CNTNAP5: variants seen among roughly 807,000 people sequenced by gnomAD.
The protein encoded by CNTNAP5 is contactin associated protein family member 5.
Under a neutral mutation model 150.2 loss-of-function variants are expected in CNTNAP5, and 72 were observed. The ratio of observed to expected loss-of-function variants is 0.48; its 90% CI spans 0.40 to 0.58. CNTNAP5 has a LOEUF of 0.58. Among genes scored for constraint, CNTNAP5 ranks in the 20% least tolerant of loss-of-function variants. CNTNAP5 has a pLI of 0.00. For synonymous variants in CNTNAP5, 672 were observed against 619.8 expected, an observed-to-expected ratio of 1.08 and a Z score of -1.25; for missense variants, 1,636 against 1,626.2, an observed-to-expected ratio of 1.01 and a Z score of -0.10.
chr2:124,889,743 G>A (rs1380357517), intron 21 of CNTNAP5, among the ~76,000 whole-genome samples: 1 of 152,088 alleles, frequency 6.6e-6, no homozygotes, highest in African/African-American at 2.4e-5. Flanking sequence ...ATAGTAGCAA[G>A]TGCTTTTGGG....
intron 1 of CNTNAP5, among the ~76,000 whole-genome samples, chr2:124,170,891 T>C (rs958063398): frequency 9.9e-5 from 15 of 152,166 alleles, no homozygotes; most frequent in African/African-American, 3.4e-4. Flanking sequence ...TCTAGCTGTG[T>C]GACCTTGCAC....
At chr2:124,121,586 G>A (rs1187742682) in intron 1 of CNTNAP5, among the ~76,000 whole-genome samples, 1 of 152,152 alleles carries the variant, frequency 6.6e-6, no homozygotes. Context: ...AGATTCACAA[G>A]TAATAGCAAA....
At chr2:124,272,253 C>A (rs556814132) in intron 3 of CNTNAP5, among the ~76,000 whole-genome samples, 87 of 152,238 alleles carry the variant, frequency 5.7e-4, no homozygotes, top group African/African-American at 1.9e-3. Flanking sequence ...CTGATCTGGA[C>A]TTCCAGTTTT....
chr2:124,271,429 G>C (rs1372688735), intron 3 of CNTNAP5, among the ~76,000 whole-genome samples: 1 of 152,122 alleles, frequency 6.6e-6, no homozygotes, highest in African/African-American at 2.4e-5. Context: ...ATGGGGGTTG[G>C]CTAGAAGGCA....
At chr2:124,528,612 G>C (rs1327054244) in intron 10 of CNTNAP5, among the ~76,000 whole-genome samples, 2 of 152,172 alleles carry the variant, frequency 1.3e-5, no homozygotes, top group East Asian at 3.9e-4. Context: ...TGGTGTCTTA[G>C]ATTCAATAAT....
At chr2:124,192,417 A>C (rs2141541) in intron 1 of CNTNAP5, among the ~76,000 whole-genome samples, 149,179 of 152,214 alleles carry the variant, frequency 0.98, 73,185 homozygotes, top group East Asian at 1. Flanking sequence ...GTCTAGGGTG[A>C]TTCACTGTCC....
chr2:124,658,137 A>G (rs1017866481), intron 13 of CNTNAP5, among the ~76,000 whole-genome samples: 6 of 152,206 alleles, frequency 3.9e-5, no homozygotes, highest in Non-Finnish European at 5.9e-5. Flanking sequence ...ACCAGTAGTC[A>G]TATGATGTCA....
chr2:124,075,653 A>G (rs1350351533), intron 1 of CNTNAP5, among the ~76,000 whole-genome samples: 1 of 152,078 alleles, frequency 6.6e-6, no homozygotes, highest in African/African-American at 2.4e-5. Context: ...CAATTTTTGT[A>G]AATGTCACAT....
At chr2:124,520,991 G>A (rs1160354022) in intron 8 of CNTNAP5, among the ~76,000 whole-genome samples, 1 of 152,188 alleles carries the variant, frequency 6.6e-6, no homozygotes, top group African/African-American at 2.4e-5. Flanking sequence ...CGAGGACCAG[G>A]TGAAAGTGGA....
At chr2:124,195,290 C>T (rs1329715933) in intron 1 of CNTNAP5, among the ~76,000 whole-genome samples, 1 of 152,130 alleles carries the variant, frequency 6.6e-6, no homozygotes, top group African/African-American at 2.4e-5. Context: ...GAGAAATTCT[C>T]ACACAGGATC....
At chr2:124,501,316 G>T (rs1284116605) in intron 7 of CNTNAP5, among the ~76,000 whole-genome samples, 1 of 152,200 alleles carries the variant, frequency 6.6e-6, no homozygotes. Flanking sequence ...TATAATGCTT[G>T]AAAAATCTTG....
At chr2:124,737,397 A>G (rs1004072747) in intron 13 of CNTNAP5, among the ~76,000 whole-genome samples, 7 of 152,140 alleles carry the variant, frequency 4.6e-5, no homozygotes, top group Admixed American at 4.6e-4. Context: ...GAAAGACATC[A>G]GCCTCTATGA....
In CNTNAP5 at chr2:124,865,291, T is replaced by C. The variant is rs1402381358; in HGVS notation, c.3218-15T>C. On this transcript the variant is annotated splice_polypyrimidine_tract_variant and intron_variant, in intron 19 of 23. Coordinates refer to ENST00000682447, the MANE Select transcript of CNTNAP5 (RefSeq NM_001367498.1). The stretch of plus-strand genomic sequence containing the variant: ...TGCTGCTTTATATTCTAATTTCTAA[T>C]ATTTTTCTTTCAAGGAAGCTTACAG... 1 of 1,548,184 alleles carries C rather than the reference T, an allele frequency of 6.5e-7. No homozygotes were observed. The highest frequency in any genetic ancestry group is 8.7e-7 in the Non-Finnish European group (1 of 1,143,874).
intron 1 of CNTNAP5, among the ~76,000 whole-genome samples, chr2:124,148,549 T>C (rs1362562962): frequency 6.8e-6 from 1 of 146,782 alleles, no homozygotes; most frequent in Non-Finnish European, 1.5e-5. Context: ...ACATATTATA[T>C]ATAATATGTA....
At chr2:124,523,036 C>A (rs1213212797) in intron 8 of CNTNAP5, among the ~76,000 whole-genome samples, 1 of 152,170 alleles carries the variant, frequency 6.6e-6, no homozygotes, top group Non-Finnish European at 1.5e-5. Flanking sequence ...TTTTAATCCT[C>A]CTTGCATATG....
chr2:124,224,700 G>A (rs1457247563), intron 2 of CNTNAP5, among the ~76,000 whole-genome samples: 1 of 151,968 alleles, frequency 6.6e-6, no homozygotes, highest in Non-Finnish European at 1.5e-5. Flanking sequence ...ATATACATAT[G>A]TGGTATACAG....
chr2:124,756,768 G>A (rs1399668839), intron 14 of CNTNAP5, among the ~76,000 whole-genome samples: 3 of 152,090 alleles, frequency 2.0e-5, no homozygotes, highest in Non-Finnish European at 2.9e-5. Context: ...GCCTGTAGGA[G>A]GGTTGGGAGT....
chr2:124,389,067 A>G (rs1383380649), intron 3 of CNTNAP5, among the ~76,000 whole-genome samples: 2 of 152,178 alleles, frequency 1.3e-5, no homozygotes, highest in African/African-American at 2.4e-5. Context: ...CTTTTTTTAA[A>G]AATCTTATTT....
chr2:124,767,897 G>A (rs1681100868), intron 16 of CNTNAP5, among the ~76,000 whole-genome samples: 2 of 152,206 alleles, frequency 1.3e-5, no homozygotes, highest in African/African-American at 2.4e-5. Context: ...TGGTGGAGCT[G>A]CATCCCAGCT....
Sources: gnomAD v4.1 joint callset for allele counts (sites outside exome capture counted in the v4.1 genomes callset) on GRCh38, gnomAD v4.1.1 for gene constraint, MANE v1.5 for transcripts, NCBI Gene and HGNC (gene_info 2026-07-23, HGNC 2026-07-21) for gene names.